ASH2L: variants seen among roughly 807,000 people sequenced by gnomAD.
ASH2L encodes the protein ASH2 like, histone lysine methyltransferase complex subunit.
Under a neutral mutation model 81.1 loss-of-function variants are expected in ASH2L, and 30 were observed. That is an observed-to-expected ratio of 0.37 (90% CI 0.28 to 0.50). The LOEUF (loss-of-function observed/expected upper bound fraction) is 0.50. ASH2L is among the 20% of genes least tolerant of loss of function. The pLI is 0.95. For missense variants in ASH2L, 559 were observed against 792.1 expected (o/e 0.71, Z 3.53); for synonymous variants, 273 against 279.9 (o/e 0.98, Z 0.24).
In ASH2L at chr8:38,105,579, A is replaced by G; in HGVS notation, c.29A>G (p.Gln10Arg). The change falls in exon 1 of 16, where the codon CAG becomes CGG. Residue 10 changes from glutamine to arginine, a missense_variant. By Grantham distance (43) the Gln-to-Arg change is conservative. Coordinates refer to ENST00000343823, the MANE Select transcript of ASH2L (RefSeq NM_004674.5). MAAAGAGPG[Q>R]EAGAGPGPGA... ...GCGGCGGCAGGAGCAGGACCTGGCC[A>G]GGAAGCGGGTGCCGGGCCTGGCCCA... 1.9e-6 allele frequency: 3 copies of G among 1,586,488 alleles called. No homozygotes were observed. The highest frequency in any genetic ancestry group is 1.7e-6 in the Non-Finnish European group (2 of 1,165,318).
At chr8:38,122,587 G>A (rs993460175) in intron 10 of ASH2L, 2 of 152,064 alleles carry the variant, frequency 1.3e-5, no homozygotes, top group African/African-American at 4.8e-5. Flanking sequence ...TCAGAGGTAG[G>A]AAGTGCATGT....
At chr8:38,105,951 C>T (rs887374345) in intron 1 of ASH2L, 8 of 1,512,004 alleles carry the variant, frequency 5.3e-6, no homozygotes, top group African/African-American at 2.8e-5. Context: ...AGCTGAGGCT[C>T]CTGTCGTTAT....
chr8:38,105,757 C>G lies in ASH2L; in HGVS notation c.188+19C>G, dbSNP rs1478572705. 6.0e-6 allele frequency: 9 copies of G among 1,503,714 alleles called. 1 individual carries two copies. In the South Asian group the frequency reaches 1.1e-4, roughly 18 times the overall value. The allele number at this position is 1,503,714 out of a possible 1,614,324, so 93.1% of individuals were successfully genotyped here. ...AAGGCGGGTAAGAGGTCCTGCCGCCCGAGGAAGACGCGGGAGGGAGGCCCG... is the reference window on the plus strand; with the variant it reads ...AAGGCGGGTAAGAGGTCCTGCCGCCGGAGGAAGACGCGGGAGGGAGGCCCG... On this transcript the variant is annotated intron_variant, in intron 1 of 15. Coordinates refer to ENST00000343823, the MANE Select transcript of ASH2L (RefSeq NM_004674.5).
intron 3 of ASH2L, among the ~76,000 whole-genome samples, chr8:38,109,594 C>A (rs1040368931): frequency 6.6e-6 from 1 of 152,186 alleles, no homozygotes; most frequent in South Asian, 2.1e-4. Flanking sequence ...CTGTTGCATC[C>A]GTCTCTGCCA....
At chr8:38,137,751 A>G (rs1334935000) in intron 14 of ASH2L, 1 of 152,064 alleles carries the variant, frequency 6.6e-6, no homozygotes, top group Non-Finnish European at 1.5e-5. Context: ...AAGTTAATGC[A>G]TGAAGATTTC....
intron 3 of ASH2L, among the ~76,000 whole-genome samples, chr8:38,109,995 C>A (rs889620198): frequency 7.2e-5 from 11 of 152,048 alleles, no homozygotes; most frequent in Non-Finnish European, 1.6e-4. Context: ...AAAATATGAG[C>A]CCTGTTTTGG....
chr8:38,120,993 A>G lies in ASH2L; in HGVS notation c.1009A>G (p.Asn337Asp). 1 of 1,613,646 alleles carries G rather than the reference A, an allele frequency of 6.2e-7. No individual in the cohort carries two copies. The highest frequency in any genetic ancestry group is 8.5e-7 in the Non-Finnish European group (1 of 1,179,898). ...PHGYPLEHPF[N>D]KDGYRYILAE... ...TGGCTACCCATTGGAACACCCGTTT[A>G]ACAAAGATGGCTATCGGTATATTCT... Residue 337 changes from asparagine (N) to aspartate (D), a missense_variant, in exon 10 of 16, where the codon AAC (asparagine) becomes GAC (aspartate). By Grantham distance (23) the Asn-to-Asp change is conservative. Around this residue, in one of 4 missense-constraint regions of ASH2L, gnomAD observed 318 missense variants for 527.0 expected, o/e 0.60. Coordinates refer to ENST00000343823, the MANE Select transcript of ASH2L (RefSeq NM_004674.5).
intron 12 of ASH2L, among the ~76,000 whole-genome samples, chr8:38,130,797 C>A (rs1044187438): frequency 6.6e-6 from 1 of 152,092 alleles, no homozygotes; most frequent in African/African-American, 2.4e-5. Context: ...CAGGGTTTCA[C>A]CATGTTGGTC....
In ASH2L at chr8:38,106,001, A is replaced by G; in HGVS notation, c.188+263A>G. 2.0e-6 allele frequency: 3 copies of G among 1,531,336 alleles called. No individual in the cohort carries two copies. The South Asian group carries it at 3.6e-5, about 18-fold the overall frequency. 94.9% of individuals were successfully genotyped at this position (1,531,336 alleles called of 1,614,324 possible). On this transcript the variant is annotated intron_variant, in intron 1 of 15. Transcript: ENST00000343823. ...CCCTGGCAGGAAGCTGGTAGCTCAC[A>G]CTTTAACGGGAGGCCTTCACATATT...
chr8:38,119,271 G>T lies in ASH2L; in HGVS notation c.855G>T (p.Gly285=). Residue 285 remains glycine, a splice_region_variant and synonymous_variant, in exon 9 of 16, where the codon GGG becomes GGT. Coordinates refer to ENST00000343823, the MANE Select transcript of ASH2L (RefSeq NM_004674.5). ...AAGCAATCTGCCTTCTCTTCAAAGG[G>T]GGAATTGCAGCAGGAAGCAGCGGAA... ...SAVSTSGNLN[G]GIAAGSSGKG... is the part of the protein sequence containing the mutation. The T allele has an allele frequency of 6.4e-7, 1 of 1,550,554 alleles. No individual in the cohort carries two copies. The highest frequency in any genetic ancestry group is 1.2e-5 in the South Asian group (1 of 83,884).
chr8:38,114,003 G>A (rs751415357), intron 5 of ASH2L, among the ~76,000 whole-genome samples, 189 bp from the exon 6 acceptor site: 15 of 152,202 alleles, frequency 9.9e-5, no homozygotes, highest in Non-Finnish European at 1.8e-4. Context: ...TCTGTGTATT[G>A]TGTGTATGCA....
At chr8:38,129,090 A>G in intron 12 of ASH2L, 139 bp downstream of exon 12, 2 of 1,303,706 alleles carry the variant, frequency 1.5e-6, no homozygotes, top group South Asian at 1.5e-5. Flanking sequence ...CATTTTCAGA[A>G]TAACAGTAAC....
chr8:38,123,964 C>T (rs548950624), intron 10 of ASH2L: 2 of 152,148 alleles, frequency 1.3e-5, no homozygotes, highest in Admixed American at 1.3e-4. Flanking sequence ...CTGAAGCCTC[C>T]CGAATAGCTG....
At chr8:38,116,779 T>A in intron 8 of ASH2L, 54 bp downstream of exon 8, 1 of 1,492,740 alleles carries the variant, frequency 6.7e-7, no homozygotes, top group East Asian at 2.3e-5. Flanking sequence ...TGAATCCAGT[T>A]GTGCCTAGAA....
intron 1 of ASH2L, 75 bp downstream of exon 1, chr8:38,105,813 C>CT (rs1810397033): frequency 3.3e-5 from 49 of 1,473,976 alleles, no homozygotes; most frequent in Non-Finnish European, 4.4e-5. Context: ...TCCTGGAGCC[C>CT]TGCCGCCCGC....
intron 5 of ASH2L, among the ~76,000 whole-genome samples, chr8:38,112,793 C>A (rs1810740465): frequency 1.3e-5 from 2 of 151,964 alleles, no homozygotes; most frequent in Non-Finnish European, 2.9e-5. Flanking sequence ...GATTTTTAGC[C>A]CCCATTGATT....
At chr8:38,134,250 C>G (rs1802169975) in intron 13 of ASH2L, among the ~76,000 whole-genome samples, 1 of 151,952 alleles carries the variant, frequency 6.6e-6, no homozygotes, top group African/African-American at 2.4e-5. Flanking sequence ...GTATGCTGAC[C>G]TTCCCTCCAC....
At chr8:38,108,979 G>C (rs548665479) in intron 3 of ASH2L, among the ~76,000 whole-genome samples, 1 of 152,126 alleles carries the variant, frequency 6.6e-6, no homozygotes, top group Admixed American at 6.5e-5. Context: ...CTACTCAGGA[G>C]CTTTAGGTGG....
chr8:38,119,047 G>A, intron 8 of ASH2L: 1 of 452,546 alleles, frequency 2.2e-6, no homozygotes, highest in Non-Finnish European at 3.9e-6. Context: ...CCATCATAGT[G>A]CTGGATTCAT....
Sources: allele counts gnomAD v4.1 joint callset (sites outside exome capture counted in the v4.1 genomes callset), GRCh38; gene constraint gnomAD v4.1.1; regional missense constraint gnomAD v4.1.1; transcripts MANE v1.5; gene names NCBI Gene and HGNC (gene_info 2026-07-23, HGNC 2026-07-21).